The following CMTM7 variants were observed in gnomAD, a reference collection of about 807,000 sequenced individuals.
CMTM7 encodes the protein CKLF-like MARVEL transmembrane domain-containing protein 7.
Under a neutral mutation model 19.3 loss-of-function variants are expected in CMTM7, and 7 were observed. The ratio of observed to expected loss-of-function variants is 0.36; its 90% confidence interval spans 0.21 to 0.68. The LOEUF is 0.68. Among genes scored for constraint, CMTM7 ranks in the 30% least tolerant of loss-of-function variants. The pLI is 0.60. For missense variants in CMTM7, 193 were observed against 232.6 expected (o/e 0.83, Z 1.11); for synonymous variants, 87 against 99.3 (o/e 0.88, Z 0.74).
chr3:32,452,797 G>A (rs1278413696), intron 4 of CMTM7, among the ~76,000 whole-genome samples: 1 of 149,018 alleles, frequency 6.7e-6, no homozygotes, highest in Non-Finnish European at 1.5e-5. Flanking sequence ...CTGTTGTCCA[G>A]GCTGGTGCAG....
intron 1 of CMTM7, among the ~76,000 whole-genome samples, chr3:32,437,832 AGT>A (rs933540728): frequency 1.3e-5 from 2 of 152,160 alleles, no homozygotes; most frequent in African/African-American, 4.8e-5. Flanking sequence ...TGGAGGTTGC[AGT>A]GAGCTGAGAT....
At chr3:32,442,399 C>G (rs968724692) in intron 2 of CMTM7, among the ~76,000 whole-genome samples, 1 of 147,812 alleles carries the variant, frequency 6.8e-6, no homozygotes, top group African/African-American at 2.5e-5. Context: ...CTCAGAGAGG[C>G]TGAGGCAGGA....
chr3:32,394,652 T>A (rs1297589552), intron 1 of CMTM7, among the ~76,000 whole-genome samples: 1 of 152,180 alleles, frequency 6.6e-6, no homozygotes, highest in East Asian at 1.9e-4. Flanking sequence ...CTTTTTGGAG[T>A]AGAGACACAG....
chr3:32,428,117 A>G (rs753398211), intron 1 of CMTM7, among the ~76,000 whole-genome samples: 6 of 152,194 alleles, frequency 3.9e-5, no homozygotes, highest in Non-Finnish European at 7.4e-5. Context: ...TGGTCCCAGA[A>G]TACATGGCAG....
chr3:32,435,828 C>G (rs1696589763), intron 1 of CMTM7, among the ~76,000 whole-genome samples: 1 of 152,198 alleles, frequency 6.6e-6, no homozygotes, highest in Non-Finnish European at 1.5e-5. Context: ...TTAAAGATCT[C>G]TAAGATGTAT....
intron 1 of CMTM7, among the ~76,000 whole-genome samples, chr3:32,404,702 G>C (rs1696064776): frequency 6.6e-6 from 1 of 152,230 alleles, no homozygotes; most frequent in South Asian, 2.1e-4. Context: ...ACCTGAGGGT[G>C]ACTCCCAGTC....
At chr3:32,416,262 G>A (rs565452181) in intron 1 of CMTM7, among the ~76,000 whole-genome samples, 2 of 151,576 alleles carry the variant, frequency 1.3e-5, no homozygotes, top group Admixed American at 1.3e-4. Context: ...GCAATGGTGC[G>A]ATCTTGACTC....
At chr3:32,399,745 G>C (rs1403952754) in intron 1 of CMTM7, among the ~76,000 whole-genome samples, 1 of 152,136 alleles carries the variant, frequency 6.6e-6, no homozygotes, top group African/African-American at 2.4e-5. Flanking sequence ...CTACTTCCTG[G>C]AAGTTGGAGA....
chr3:32,440,082 C>G (rs763351323), intron 1 of CMTM7, among the ~76,000 whole-genome samples: 11 of 23,350 alleles, frequency 4.7e-4, no homozygotes, highest in African/African-American at 1.3e-3. Flanking sequence ...CACACACACA[C>G]ACACACACAC....
intron 1 of CMTM7, among the ~76,000 whole-genome samples, chr3:32,439,676 C>T (rs145291968): frequency 1.3e-5 from 2 of 152,336 alleles, no homozygotes; most frequent in East Asian, 1.9e-4. Flanking sequence ...TGGTCTCAAA[C>T]TCCTGGCTTC....
intron 1 of CMTM7, among the ~76,000 whole-genome samples, chr3:32,426,881 AC>A (rs1378595640): frequency 6.6e-6 from 1 of 152,214 alleles, no homozygotes; most frequent in Admixed American, 6.5e-5. Flanking sequence ...CCCAAGCTCA[AC>A]CATCAACCCT....
At chr3:32,431,041 G>A (rs1696510743) in intron 1 of CMTM7, among the ~76,000 whole-genome samples, 1 of 152,218 alleles carries the variant, frequency 6.6e-6, no homozygotes, top group Admixed American at 6.5e-5. Context: ...GAACACAACA[G>A]ATCATCATGG....
intron 1 of CMTM7, among the ~76,000 whole-genome samples, chr3:32,435,624 G>T (rs1696587025): frequency 6.6e-6 from 1 of 152,112 alleles, no homozygotes; most frequent in African/African-American, 2.4e-5. Flanking sequence ...GTAAAGGCTG[G>T]CATCTCGTAG....
chr3:32,429,551 A>C (rs1419712692), intron 1 of CMTM7, among the ~76,000 whole-genome samples: 1 of 151,664 alleles, frequency 6.6e-6, no homozygotes, highest in African/African-American at 2.4e-5. Flanking sequence ...TTGGCCTCCC[A>C]AAGTGCTGGC....
intron 1 of CMTM7, among the ~76,000 whole-genome samples, chr3:32,402,778 T>C (rs1048193933): frequency 6.6e-6 from 1 of 152,030 alleles, no homozygotes; most frequent in Non-Finnish European, 1.5e-5. Flanking sequence ...GTGGCCAGGC[T>C]GGTATCGAAC....
intron 3 of CMTM7, chr3:32,451,320 T>C (rs571576914): frequency 1.3e-5 from 2 of 152,252 alleles, no homozygotes; most frequent in East Asian, 3.9e-4. Context: ...CCAGTGGCGG[T>C]GTAGTGAAGT....
intron 1 of CMTM7, among the ~76,000 whole-genome samples, chr3:32,440,547 G>C (rs1232466792): frequency 6.6e-6 from 1 of 152,212 alleles, no homozygotes; most frequent in Non-Finnish European, 1.5e-5. Flanking sequence ...GGAGGCCAAG[G>C]CAGGGGGATT....
At position 32,430,681 on chromosome 3, in the gene CMTM7, ATGTGTG is replaced by A. The variant is rs35054129; in HGVS notation, c.160-11130_160-11125del. On this transcript the variant is annotated intron_variant, in intron 1 of 4. Transcript: ENST00000334983. ...TCATTCTGGCCTGATCTACATCTGA[ATGTGTG>A]TGTGTGTGTGTGTGTGTGTGTGTGT... Among the ~76,000 whole-genome samples, 360 of 134,014 alleles carry A rather than the reference ATGTGTG, an allele frequency of 2.7e-3. 3 individuals are homozygous for A. The highest frequency in any genetic ancestry group is 7.5e-3 in the Middle Eastern group (2 of 266). 87.9% of individuals were successfully genotyped at this position (134,014 alleles called of 152,430 possible).
In CMTM7 at chr3:32,449,519, G is replaced by A; in HGVS notation, c.399G>A (p.Lys133=). The change falls in exon 3 of 5, where the codon AAG becomes AAA. Residue 133 remains lysine (K), a synonymous_variant. Transcript: ENST00000334983. This position sits in a 1 kb window ranked among gnomAD's most constrained non-coding sequence, Gnocchi z 4.5. ...TCGCCTCCATTGTGGCAGCTTCCAA[G>A]AGTTACAACCAGAGCGGACTGGTAG... ...LLIASIVAAS[K]SYNQSGLVAG... 1 of 1,614,154 alleles carries A rather than the reference G, an allele frequency of 6.2e-7. No individual in the cohort carries two copies. The highest frequency in any genetic ancestry group is 8.5e-7 in the Non-Finnish European group (1 of 1,180,008).
Sources: gnomAD v4.1 joint callset for allele counts (sites outside exome capture counted in the v4.1 genomes callset) on GRCh38, gnomAD v4.1.1 for gene constraint, Gnocchi (gnomAD v3.1) non-coding constraint, MANE v1.5 for transcripts, NCBI Gene and HGNC (gene_info 2026-07-23, HGNC 2026-07-21) for gene names.